Variants in GPC6 observed in about 807,000 individuals in gnomAD.
GPC6 encodes the protein glypican 6.
GPC6 carries 14 observed loss-of-function variants against 55.2 expected under a neutral mutation model. The ratio of observed to expected loss-of-function variants is 0.25; its 90% confidence interval spans 0.17 to 0.40. The LOEUF is 0.40. Among genes scored for constraint, GPC6 ranks in the 10% least tolerant of loss-of-function variants. The pLI is 1.00. For missense variants in GPC6, 641 were observed against 708.5 expected (o/e 0.90, Z 1.08); for synonymous variants, 278 against 259.6 (o/e 1.07, Z -0.68).
chr13:93,938,114 G>A (rs1378067473), intron 3 of GPC6, among the ~76,000 whole-genome samples: 1 of 152,086 alleles, frequency 6.6e-6, no homozygotes, highest in African/African-American at 2.4e-5. Context: ...GGCAATGCAA[G>A]TTTATTCTAA....
chr13:93,877,367 T>C (rs1874651566), intron 3 of GPC6, among the ~76,000 whole-genome samples: 1 of 152,060 alleles, frequency 6.6e-6, no homozygotes, highest in African/African-American at 2.4e-5. Flanking sequence ...TGGGAGGCAT[T>C]ATTTATAAAC....
At chr13:93,453,472 T>G (rs1260876072) in intron 1 of GPC6, among the ~76,000 whole-genome samples, 1 of 151,804 alleles carries the variant, frequency 6.6e-6, no homozygotes, top group Non-Finnish European at 1.5e-5. Context: ...TAAGTAACTT[T>G]TAAGGGAAGT....
At chr13:94,343,861 C>T (rs1401210780) in intron 6 of GPC6, among the ~76,000 whole-genome samples, 1 of 151,976 alleles carries the variant, frequency 6.6e-6, no homozygotes. Flanking sequence ...CTCCTGAGTA[C>T]CTGGGACTAC....
chr13:94,232,882 A>G (rs1257451396), intron 4 of GPC6, among the ~76,000 whole-genome samples: 1 of 152,018 alleles, frequency 6.6e-6, no homozygotes, highest in Non-Finnish European at 1.5e-5. Context: ...TGGCCAAAAG[A>G]ATAAGTCAGG....
intron 1 of GPC6, among the ~76,000 whole-genome samples, chr13:93,398,709 C>G (rs929686222): frequency 6.6e-6 from 1 of 152,128 alleles, no homozygotes; most frequent in Non-Finnish European, 1.5e-5. Flanking sequence ...TGAATTATCT[C>G]ATTTAATGTT....
At chr13:93,430,697 C>G (rs1447517658) in intron 1 of GPC6, among the ~76,000 whole-genome samples, 1 of 152,138 alleles carries the variant, frequency 6.6e-6, no homozygotes, top group Non-Finnish European at 1.5e-5. Context: ...GCTTTGGCTC[C>G]TTAAAAATCC....
At chr13:94,367,346 A>C (rs1879328490) in intron 6 of GPC6, among the ~76,000 whole-genome samples, 2 of 152,208 alleles carry the variant, frequency 1.3e-5, no homozygotes, top group Non-Finnish European at 2.9e-5. Flanking sequence ...TTTTCTTTTC[A>C]CTATTGAATT....
At chr13:94,381,345 G>A (rs1008777204) in intron 6 of GPC6, among the ~76,000 whole-genome samples, 10 of 152,138 alleles carry the variant, frequency 6.6e-5, no homozygotes, top group African/African-American at 1.2e-4. Context: ...TCAAGGTGTC[G>A]GCGGGGTTGG....
chr13:93,313,684 C>A (rs905962818), intron 1 of GPC6, among the ~76,000 whole-genome samples: 1 of 151,860 alleles, frequency 6.6e-6, no homozygotes, highest in African/African-American at 2.4e-5. Flanking sequence ...GAGACAAGAT[C>A]TTGATATGTT....
chr13:93,311,227 A>G (rs1879056485), intron 1 of GPC6, among the ~76,000 whole-genome samples: 1 of 152,106 alleles, frequency 6.6e-6, no homozygotes, highest in South Asian at 2.1e-4. Flanking sequence ...TTTTCAGATA[A>G]TTTTTTTGCA....
chr13:93,590,579 C>A (rs543285196), intron 2 of GPC6, among the ~76,000 whole-genome samples: 1 of 152,028 alleles, frequency 6.6e-6, no homozygotes. Flanking sequence ...TTATATATTT[C>A]TTTTCGATAA....
At chr13:93,672,646 A>G (rs1244848706) in intron 2 of GPC6, among the ~76,000 whole-genome samples, 2 of 138,912 alleles carry the variant, frequency 1.4e-5, no homozygotes, top group African/African-American at 5.1e-5. Flanking sequence ...TCTGATATAT[A>G]TATATATATG....
At chr13:94,332,516 A>G (rs530753284) in intron 6 of GPC6, among the ~76,000 whole-genome samples, 26 of 152,342 alleles carry the variant, frequency 1.7e-4, no homozygotes, top group Admixed American at 6.5e-4. Flanking sequence ...GTCTCTGTAC[A>G]TAGTTTTTGT....
At chr13:94,030,958 A>G (rs960586931) in intron 4 of GPC6, among the ~76,000 whole-genome samples, 3 of 152,196 alleles carry the variant, frequency 2.0e-5, no homozygotes, top group Admixed American at 2.0e-4. Flanking sequence ...TAAGCATTCC[A>G]GTAAAAACTT....
chr13:93,230,109 T>C (rs1875957693), intron 1 of GPC6, among the ~76,000 whole-genome samples: 1 of 152,178 alleles, frequency 6.6e-6, no homozygotes, highest in South Asian at 2.1e-4. Flanking sequence ...CTTGAAGAAT[T>C]TCATGTGTCT....
At chr13:93,750,154 G>C (rs897020540) in intron 2 of GPC6, among the ~76,000 whole-genome samples, 5 of 152,268 alleles carry the variant, frequency 3.3e-5, no homozygotes, top group African/African-American at 9.6e-5. Context: ...TTAAAATTTG[G>C]TAAGATTTGT....
intron 2 of GPC6, among the ~76,000 whole-genome samples, chr13:93,584,457 A>G (rs1877090725): frequency 6.6e-6 from 1 of 152,050 alleles, no homozygotes; most frequent in South Asian, 2.1e-4. Context: ...AGTGTGCTAC[A>G]TCAGCTCTTT....
intron 6 of GPC6, among the ~76,000 whole-genome samples, chr13:94,343,624 C>G (rs530502258): frequency 6.6e-6 from 1 of 152,042 alleles, no homozygotes; most frequent in Non-Finnish European, 1.5e-5. Flanking sequence ...GAAGTGGTCT[C>G]GCATGTGTTA....
intron 4 of GPC6, among the ~76,000 whole-genome samples, chr13:94,276,551 T>C (rs977611886): frequency 3.9e-5 from 6 of 152,118 alleles, no homozygotes; most frequent in African/African-American, 9.7e-5. Context: ...TGTGCCATGG[T>C]GGTTTCCTGC....
Sources: gnomAD v4.1 joint callset for allele counts (sites outside exome capture counted in the v4.1 genomes callset) on GRCh38, gnomAD v4.1.1 for gene constraint, MANE v1.5 for transcripts, NCBI Gene and HGNC (gene_info 2026-07-23, HGNC 2026-07-21) for gene names.